The following RXRA variants were observed in gnomAD, a reference collection of about 807,000 sequenced individuals.
The protein encoded by RXRA is retinoic acid receptor RXR-alpha.
Under a neutral mutation model 44.5 loss-of-function variants are expected in RXRA, and 5 were observed. The ratio of observed to expected loss-of-function variants is 0.11; its 90% CI spans 0.06 to 0.24. RXRA has a LOEUF of 0.24. Ranked by LOEUF, RXRA falls within the 10% of genes least tolerant of loss-of-function variation. The probability of loss-of-function intolerance (pLI) is 1.00; values close to 1 mark genes in which losing one functional copy is unlikely to be tolerated. For missense variants in RXRA, 412 were observed against 646.5 expected, an observed-to-expected ratio of 0.64 and a Z score of 3.93; for synonymous variants, 291 against 271.4, an observed-to-expected ratio of 1.07 and a Z score of -0.71.
Position 134,365,450 on chromosome 9 carries a change from C to A in RXRA, c.29-36182C>A, listed in dbSNP as rs1437273280. ...GTGTCCTGGTGTGAGACCCGGTGTT[C>A]TTGGCTGATGTGTGGGTTTGCTCAT... On this transcript the variant is annotated intron_variant, in intron 1 of 9. Transcript: ENST00000481739. The surrounding 1 kb of genome is among the most constrained non-coding windows in gnomAD (Gnocchi z 4.0). Among the ~76,000 whole-genome samples, 5 of 152,130 alleles carry A rather than the reference C, an allele frequency of 3.3e-5. No individual in the cohort carries two copies. The highest frequency in any genetic ancestry group is 4.4e-5 in the Non-Finnish European group (3 of 68,016).
intron 1 of RXRA, among the ~76,000 whole-genome samples, chr9:134,367,960 G>A (rs779073352): frequency 1.4e-4 from 22 of 152,384 alleles, no homozygotes; most frequent in African/African-American, 4.1e-4. Context: ...CGGCCTTGCC[G>A]GAGATGCTCG....
chr9:134,379,884 T>C, intron 1 of RXRA: 12 of 985,254 alleles, frequency 1.2e-5, no homozygotes, highest in Non-Finnish European at 1.4e-5. Flanking sequence ...TCCAGCCCCC[T>C]CTCCAGTATG....
chr9:134,417,336 C>CA lies in RXRA; in HGVS notation c.780+10dup, dbSNP rs2119178317. ...GGCTGAACCCCAGCTCGGTGAGTTG[C>CA]AGCCTGTGCAGGGGTGGGCAGCCTC... is the stretch of plus-strand genomic sequence containing the variant. On this transcript the variant is annotated intron_variant, in intron 5 of 9. Coordinates refer to ENST00000481739, the MANE Select transcript of RXRA (RefSeq NM_002957.6). This position sits in a 1 kb window ranked among gnomAD's most constrained non-coding sequence, Gnocchi z 6.1. 1 of 1,612,508 alleles carries CA rather than the reference C, an allele frequency of 6.2e-7. No individual in the cohort carries two copies. Among genetic ancestry groups the CA allele is most frequent in the East Asian group, 2.2e-5 (1 of 44,866 alleles).
intron 1 of RXRA, among the ~76,000 whole-genome samples, chr9:134,386,559 G>A (rs529629682): frequency 4.6e-5 from 7 of 152,214 alleles, no homozygotes; most frequent in Non-Finnish European, 8.8e-5. Context: ...GGGACACCCC[G>A]CTCCGTGGAG....
At position 134,408,317 on chromosome 9, in the gene RXRA, G is replaced by A. The variant is rs373000410; in HGVS notation, c.430+18G>A. 8.2e-6 allele frequency: 13 copies of A among 1,588,166 alleles called. No individual in the cohort carries two copies. The highest frequency in any genetic ancestry group is 2.7e-5 in the African/African-American group (2 of 74,226). On this transcript the variant is annotated intron_variant, in intron 3 of 9. Transcript: ENST00000481739. ...CTCCTCAGGTACCGCTGCTGTGGGGGCCAGGGGCTGGTGGGACAGGGTTGT... is the reference window on the plus strand; with the variant it reads ...CTCCTCAGGTACCGCTGCTGTGGGGACCAGGGGCTGGTGGGACAGGGTTGT...
At chr9:134,422,254 C>G in intron 6 of RXRA, 2 of 1,289,230 alleles carry the variant, frequency 1.6e-6, no homozygotes, top group Non-Finnish European at 2.0e-6. Context: ...GCTCCCATCT[C>G]CCAGGACGCT....
At chr9:134,423,091 G>A in intron 6 of RXRA, 2 of 985,460 alleles carry the variant, frequency 2.0e-6, no homozygotes, top group Non-Finnish European at 2.4e-6. Flanking sequence ...GATGGGGCAG[G>A]CCCCCCGCAA....
At chr9:134,378,699 C>T (rs1588274327) in intron 1 of RXRA, among the ~76,000 whole-genome samples, 1 of 152,162 alleles carries the variant, frequency 6.6e-6, no homozygotes, top group Non-Finnish European at 1.5e-5. Context: ...GGAGCTCTGA[C>T]CCTGGGCAGC....
intron 4 of RXRA, among the ~76,000 whole-genome samples, chr9:134,414,815 C>T (rs1002667683): frequency 1.2e-4 from 18 of 152,178 alleles, no homozygotes; most frequent in Non-Finnish European, 2.4e-4. Context: ...TCTGCGTGTG[C>T]GGGGGCTTCC....
chr9:134,398,278 C>A (rs1830909049), intron 1 of RXRA, among the ~76,000 whole-genome samples: 2 of 152,300 alleles, frequency 1.3e-5, no homozygotes, highest in South Asian at 4.1e-4. Flanking sequence ...CCCTGCCCGG[C>A]CCCAAAGTAG....
At chr9:134,369,165 TTGTG>T (rs1369459170) in intron 1 of RXRA, among the ~76,000 whole-genome samples, 1 of 49,674 alleles carries the variant, frequency 2.0e-5, no homozygotes, top group African/African-American at 9.0e-5. Flanking sequence ...AGTGCGGGGC[TTGTG>T]TGTGTGTGCG....
At chr9:134,363,082 G>A (rs1413037823) in intron 1 of RXRA, among the ~76,000 whole-genome samples, 1 of 152,334 alleles carries the variant, frequency 6.6e-6, no homozygotes, top group Admixed American at 6.5e-5. Context: ...TGAGCCTAGG[G>A]CACCAAGTTC....
chr9:134,391,586 G>A (rs566868017), intron 1 of RXRA, among the ~76,000 whole-genome samples: 11 of 152,304 alleles, frequency 7.2e-5, no homozygotes, highest in South Asian at 2.1e-4. Flanking sequence ...CTGTGGTGGT[G>A]CTAGACACAG....
intron 1 of RXRA, among the ~76,000 whole-genome samples, chr9:134,367,396 C>G (rs1209713685): frequency 6.6e-6 from 1 of 152,210 alleles, no homozygotes; most frequent in Non-Finnish European, 1.5e-5. Flanking sequence ...CTTCCACTCT[C>G]TGTGGGAAGA....
intron 1 of RXRA, among the ~76,000 whole-genome samples, chr9:134,375,876 A>G (rs1044129513): frequency 1.3e-5 from 2 of 151,948 alleles, no homozygotes; most frequent in African/African-American, 4.8e-5. Flanking sequence ...AACAACAAAC[A>G]CCACGTGCCC....
chr9:134,341,504 AT>A (rs1393002496), intron 1 of RXRA, among the ~76,000 whole-genome samples: 1 of 151,512 alleles, frequency 6.6e-6, no homozygotes, highest in Non-Finnish European at 1.5e-5. Context: ...TTTATTTCCT[AT>A]TTTTACTTCC....
chr9:134,425,651 G>A (rs1831422577), intron 6 of RXRA: 1 of 984,880 alleles, frequency 1.0e-6, no homozygotes, highest in South Asian at 4.7e-5. Flanking sequence ...CAGGCCCAAG[G>A]TCCCCCTGTG....
chr9:134,424,555 G>C, intron 6 of RXRA: 1 of 985,448 alleles, frequency 1.0e-6, no homozygotes, highest in Non-Finnish European at 1.2e-6. Context: ...GACCTTGGCT[G>C]AGTCACTTAC....
At chr9:134,391,760 C>CAGACCCCT (rs1830803428) in intron 1 of RXRA, among the ~76,000 whole-genome samples, 2 of 152,186 alleles carry the variant, frequency 1.3e-5, no homozygotes, top group Non-Finnish European at 2.9e-5. Context: ...GTCTGGCCAC[C>CAGACCCCT]CTGGTGGTCG....
Sources: allele counts gnomAD v4.1 joint callset (sites outside exome capture counted in the v4.1 genomes callset), GRCh38; gene constraint gnomAD v4.1.1; non-coding constraint Gnocchi (gnomAD v3.1); transcripts MANE v1.5; gene names NCBI Gene and HGNC (gene_info 2026-07-23, HGNC 2026-07-21).